AKR1C3: variants seen among roughly 807,000 people sequenced by gnomAD.
AKR1C3 encodes the protein aldo-keto reductase family 1 member C3, also known as 3-alpha hydroxysteroid dehydrogenase, type II.
Under a neutral mutation model 43.6 loss-of-function variants are expected in AKR1C3, and 48 were observed. The ratio of observed to expected loss-of-function variants is 1.10; its 90% CI spans 0.87 to 1.40. The LOEUF (loss-of-function observed/expected upper bound fraction) is 1.40. Among genes scored for constraint, AKR1C3 ranks in the 40% most tolerant of loss-of-function variants. The probability of loss-of-function intolerance (pLI) is 0.00; values close to 1 mark genes in which losing one functional copy is unlikely to be tolerated. For missense variants in AKR1C3, 482 were observed against 391.2 expected (o/e 1.23, Z -1.96); for synonymous variants, 162 against 139.6 (o/e 1.16, Z -1.13).
chr10:5,087,729 A>T (rs1266382448), intron 1 of AKR1C3, among the ~76,000 whole-genome samples: 2 of 151,262 alleles, frequency 1.3e-5, no homozygotes, highest in Non-Finnish European at 1.5e-5. Context: ...TTTCTTTGTT[A>T]GCTAGCTGAC....
intron 5 of AKR1C3, among the ~76,000 whole-genome samples, chr10:5,100,492 A>C (rs782039544): frequency 6.6e-6 from 1 of 151,304 alleles, no homozygotes; most frequent in Non-Finnish European, 1.5e-5. Flanking sequence ...TAGCTTAGGG[A>C]TAAGTCCTTT....
chr10:5,082,024 G>A (rs970260739), intron 1 of AKR1C3: 4 of 152,118 alleles, frequency 2.6e-5, no homozygotes, highest in Non-Finnish European at 4.4e-5. Flanking sequence ...AAGGATCATT[G>A]TACTTTATCA....
intron 1 of AKR1C3, among the ~76,000 whole-genome samples, chr10:5,078,242 C>T (rs1209533544): frequency 1.3e-5 from 2 of 152,098 alleles, no homozygotes; most frequent in Non-Finnish European, 2.9e-5. Context: ...TGGCCAACCT[C>T]GTCTGGCCAG....
chr10:5,065,199 T>C (rs558003896), intron 1 of AKR1C3, among the ~76,000 whole-genome samples: 9 of 151,748 alleles, frequency 5.9e-5, no homozygotes, highest in Admixed American at 3.3e-4. Context: ...AGTGTGGTGA[T>C]TTCTCAAAGA....
chr10:5,062,217 C>T (rs1235478912), intron 1 of AKR1C3, among the ~76,000 whole-genome samples: 4 of 152,166 alleles, frequency 2.6e-5, no homozygotes, highest in Non-Finnish European at 4.4e-5. Context: ...CTTACTCTGG[C>T]GGCCACCTTA....
chr10:5,062,389 A>C (rs1347751871), intron 1 of AKR1C3, among the ~76,000 whole-genome samples: 1 of 152,086 alleles, frequency 6.6e-6, no homozygotes, highest in Non-Finnish European at 1.5e-5. Context: ...CATTCCCTTG[A>C]TGGTCTCTGG....
At chr10:5,080,300 T>C (rs1382332821) in intron 1 of AKR1C3, among the ~76,000 whole-genome samples, 1 of 152,168 alleles carries the variant, frequency 6.6e-6, no homozygotes, top group East Asian at 1.9e-4. Flanking sequence ...ACTTGCATAA[T>C]TATCACCTTT....
At chr10:5,052,461 A>T (rs1033390344) in intron 1 of AKR1C3, among the ~76,000 whole-genome samples, 1 of 147,708 alleles carries the variant, frequency 6.8e-6, no homozygotes, top group African/African-American at 2.7e-5. Context: ...GTTCCATTGT[A>T]CAGAGAGCTG....
At chr10:5,048,886 A>G in exon 1 of AKR1C3, 1 of 1,613,508 alleles carries the variant, frequency 6.2e-7, no homozygotes, top group Non-Finnish European at 8.5e-7. Context: ...GCACCTATGC[A>G]CCTCCAGAGG....
chr10:5,053,336 C>T (rs1352922985), intron 1 of AKR1C3, among the ~76,000 whole-genome samples: 1 of 152,250 alleles, frequency 6.6e-6, no homozygotes. Context: ...ACAGCAGCTG[C>T]TGGCCCAGGT....
chr10:5,107,604 A>G lies in AKR1C3; in HGVS notation c.*101A>G. ...GACTGGACATATCACCTCTACTTAAATCCGTCCTGTTTAGCGACTTCAGTC... is the reference window on the plus strand; with the variant it reads ...GACTGGACATATCACCTCTACTTAAGTCCGTCCTGTTTAGCGACTTCAGTC... On this transcript the variant is annotated 3_prime_UTR_variant, in exon 9 of 9. Coordinates refer to ENST00000380554, the MANE Select transcript of AKR1C3 (RefSeq NM_003739.6). The G allele has an allele frequency of 1.1e-6, 1 of 921,336 alleles. No individual in the cohort carries two copies. Among genetic ancestry groups the G allele is most frequent in the Non-Finnish European group, 1.7e-6 (1 of 589,050 alleles). 57.1% of individuals were successfully genotyped at this position (921,336 alleles called of 1,614,324 possible).
intron 1 of AKR1C3, among the ~76,000 whole-genome samples, chr10:5,083,333 T>C (rs1464944520): frequency 6.6e-6 from 1 of 152,016 alleles, no homozygotes; most frequent in African/African-American, 2.4e-5. Context: ...CGGTGTTTGG[T>C]TTTTTGTCCT....
In AKR1C3 at chr10:5,075,050, CAAAT is replaced by C. The variant is rs1207028609; in HGVS notation, c.85-21355_85-21352del. 4.6e-5 allele frequency among the ~76,000 whole-genome samples: 7 copies of C among 152,188 alleles called. No homozygotes were observed. In the East Asian group the frequency reaches 1.4e-3, roughly 29 times the overall value. ...CTCCTGGGTGCATCCTCAACTTTGG[CAAAT>C]AAATCTCCTAAAATTACTGAGACCT... On this transcript the variant is annotated intron_variant, in intron 1 of 8. Coordinates refer to the AKR1C3 transcript ENST00000439082.
chr10:5,082,143 T>C (rs76017540), intron 1 of AKR1C3, among the ~76,000 whole-genome samples: 2,027 of 152,272 alleles, frequency 0.013, 55 homozygotes, highest in African/African-American at 0.047. Flanking sequence ...CCACTCCTCT[T>C]GAAACTTTAC....
intron 1 of AKR1C3, among the ~76,000 whole-genome samples, chr10:5,069,194 A>G (rs1343953571): frequency 1.3e-5 from 2 of 152,204 alleles, no homozygotes; most frequent in African/African-American, 2.4e-5. Context: ...CCAGAGACTA[A>G]CTGGTAAGAA....
intron 1 of AKR1C3, among the ~76,000 whole-genome samples, chr10:5,060,499 G>A: frequency 6.6e-6 from 1 of 152,166 alleles, no homozygotes; most frequent in East Asian, 1.9e-4. Flanking sequence ...TAGACACAGG[G>A]TGCTGATTGG....
At chr10:5,092,262 G>A (rs372687476), upstream of AKR1C3, among the ~76,000 whole-genome samples, 69 of 152,028 alleles carry the variant, frequency 4.5e-4, 1 homozygote, top group South Asian at 0.014. Context: ...TAATGTATGT[G>A]GGCCTTGGTC....
At chr10:5,101,476 C>A (rs1162852744) in intron 5 of AKR1C3, among the ~76,000 whole-genome samples, 1 of 152,080 alleles carries the variant, frequency 6.6e-6, no homozygotes, top group Non-Finnish European at 1.5e-5. Flanking sequence ...AAGTTTAATA[C>A]TTGCCTCTAA....
rs964561546 is a variant in AKR1C3, at chr10:5,078,415, G to T, written c.85-17995G>T. 9.8e-5 allele frequency among the ~76,000 whole-genome samples: 15 copies of T among 152,356 alleles called. No individual in the cohort carries two copies. In the East Asian group the frequency reaches 2.9e-3, roughly 29 times the overall value. ...ACTGATATTGCACCACTGCACTCCA[G>T]CCTGGTCAACAGAGCAAGAATCTGT... On this transcript the variant is annotated intron_variant, in intron 1 of 8. Coordinates refer to the AKR1C3 transcript ENST00000439082.
Sources: gnomAD v4.1 joint callset for allele counts (sites outside exome capture counted in the v4.1 genomes callset) on GRCh38, gnomAD v4.1.1 for gene constraint, MANE v1.5 for transcripts, NCBI Gene and HGNC (gene_info 2026-07-23, HGNC 2026-07-21) for gene names.